The following DGKI variants were observed in gnomAD, a reference collection of about 807,000 sequenced individuals.
The protein encoded by DGKI is DAG kinase iota.
DGKI carries 55 observed loss-of-function variants against 147.5 expected under a neutral mutation model. The observed-to-expected ratio is 0.37, with a 90% CI of 0.30 to 0.47. DGKI has a LOEUF of 0.47. Ranked by LOEUF, DGKI falls within the 20% of genes least tolerant of loss-of-function variation. The pLI is 1.00. For missense variants in DGKI, 1,007 were observed against 1,323.8 expected, an observed-to-expected ratio of 0.76 and a Z score of 3.71; for synonymous variants, 469 against 477.1, an observed-to-expected ratio of 0.98 and a Z score of 0.22.
At chr7:137,624,333 A>ATCTAAAC (rs1409816144) in intron 6 of DGKI, among the ~76,000 whole-genome samples, 3 of 152,188 alleles carry the variant, frequency 2.0e-5, no homozygotes, top group Non-Finnish European at 4.4e-5. Flanking sequence ...CTAAACCCAA[A>ATCTAAAC]CAAAAAATTC....
At chr7:137,587,316 T>A in intron 12 of DGKI, 106 bp from the exon 13 acceptor site, 1 of 795,518 alleles carries the variant, frequency 1.3e-6, no homozygotes, top group Non-Finnish European at 1.8e-6. Context: ...AATGGTTTTA[T>A]TTTTCTTTAA....
chr7:137,722,604 A>G, intron 1 of DGKI: 4 of 1,582,866 alleles, frequency 2.5e-6, no homozygotes, highest in Non-Finnish European at 3.5e-6. Context: ...TCAGCAATGT[A>G]AAAATCCCAA....
chr7:137,423,348 C>G (rs1328072889), intron 28 of DGKI, among the ~76,000 whole-genome samples: 1 of 152,158 alleles, frequency 6.6e-6, no homozygotes, highest in Non-Finnish European at 1.5e-5. Context: ...ATCAGGGTCC[C>G]TGAACTCACT....
intron 20 of DGKI, among the ~76,000 whole-genome samples, chr7:137,525,026 C>T (rs1817094356): frequency 1.3e-5 from 2 of 152,258 alleles, no homozygotes. Flanking sequence ...CTGATTCCAA[C>T]CCATGCACTG....
chr7:137,428,971 T>C (rs1812942490), intron 28 of DGKI, among the ~76,000 whole-genome samples: 1 of 152,146 alleles, frequency 6.6e-6, no homozygotes, highest in Non-Finnish European at 1.5e-5. Context: ...AAAATGGCCA[T>C]ACTGCCCAAG....
intron 20 of DGKI, among the ~76,000 whole-genome samples, chr7:137,534,632 C>A (rs1295364815): frequency 1.3e-5 from 2 of 151,956 alleles, no homozygotes; most frequent in Non-Finnish European, 2.9e-5. Context: ...TAATGTTCTT[C>A]AGCTCTCTTT....
intron 29 of DGKI, among the ~76,000 whole-genome samples, chr7:137,408,464 C>T (rs1184781684): frequency 5.3e-5 from 8 of 152,050 alleles, no homozygotes; most frequent in Non-Finnish European, 8.8e-5. Flanking sequence ...ACCTATATAC[C>T]AAATATCAAA....
At chr7:137,647,592 A>C (rs1821874017) in intron 5 of DGKI, among the ~76,000 whole-genome samples, 1 of 152,164 alleles carries the variant, frequency 6.6e-6, no homozygotes, top group South Asian at 2.1e-4. Flanking sequence ...TGTGGCTTTC[A>C]AGAAAGTGAC....
chr7:137,548,383 C>T (rs10232182), intron 20 of DGKI, among the ~76,000 whole-genome samples: 8,819 of 152,190 alleles, frequency 0.058, 624 homozygotes, highest in African/African-American at 0.17. Flanking sequence ...GGGGCCTGGT[C>T]AGAGGTGTTT....
At chr7:137,544,758 C>T (rs1353606873) in intron 20 of DGKI, among the ~76,000 whole-genome samples, 1 of 151,976 alleles carries the variant, frequency 6.6e-6, no homozygotes, top group African/African-American at 2.4e-5. Context: ...GTGAACATGG[C>T]TGGGAACACA....
At chr7:137,458,578 C>A (rs540528707) in intron 27 of DGKI, among the ~76,000 whole-genome samples, 1 of 152,164 alleles carries the variant, frequency 6.6e-6, no homozygotes, top group African/African-American at 2.4e-5. Context: ...CCTTTACCTG[C>A]CTGCTCTTAA....
intron 23 of DGKI, among the ~76,000 whole-genome samples, chr7:137,473,694 A>C (rs577767277): frequency 6.6e-6 from 1 of 152,192 alleles, no homozygotes; most frequent in Non-Finnish European, 1.5e-5. Flanking sequence ...GAGCAGACTG[A>C]AACTAGGTCA....
In DGKI at chr7:137,608,957, A is replaced by C; in HGVS notation, c.1167+9T>G. Reference sequence around the variant, plus strand: ...ACTTCTAAGTTGAAAATCATGAAAAATTACTCACCTGGTTGCCTCCACTCT... The same window carrying C: ...ACTTCTAAGTTGAAAATCATGAAAACTTACTCACCTGGTTGCCTCCACTCT... On this transcript the variant is annotated intron_variant, in intron 10 of 32. Coordinates refer to ENST00000614521, the MANE Select transcript of DGKI (RefSeq NM_001321708.2). The C allele has an allele frequency of 6.3e-7, 1 of 1,597,588 alleles. No individual in the cohort carries two copies. Among genetic ancestry groups the C allele is most frequent in the Non-Finnish European group, 8.6e-7 (1 of 1,165,476 alleles).
chr7:137,725,578 T>TA (rs34823233), intron 1 of DGKI, among the ~76,000 whole-genome samples: 34 of 144,962 alleles, frequency 2.3e-4, no homozygotes, highest in African/African-American at 7.0e-4. Context: ...CAAATCACTT[T>TA]AAAAAAAGGT....
intron 21 of DGKI, among the ~76,000 whole-genome samples, chr7:137,509,720 G>C (rs117685504): frequency 0.014 from 2,073 of 152,260 alleles, 38 homozygotes; most frequent in South Asian, 0.072. Context: ...TGGTTTCTGA[G>C]TTAGAATGTG....
At chr7:137,452,890 T>C (rs1011812932) in intron 27 of DGKI, 4 of 152,210 alleles carry the variant, frequency 2.6e-5, no homozygotes, top group Admixed American at 2.6e-4. Context: ...CTTTTTCCTA[T>C]GGTGAACATG....
intron 1 of DGKI, among the ~76,000 whole-genome samples, chr7:137,766,477 T>C (rs1796016857): frequency 6.6e-6 from 1 of 152,200 alleles, no homozygotes; most frequent in Non-Finnish European, 1.5e-5. Flanking sequence ...AAGTTATTAC[T>C]AACCTATTAG....
At chr7:137,750,891 C>A (rs565955469) in intron 1 of DGKI, among the ~76,000 whole-genome samples, 31 of 152,250 alleles carry the variant, frequency 2.0e-4, no homozygotes, top group African/African-American at 7.5e-4. Flanking sequence ...TTAAAAATTA[C>A]ACTGGAATTT....
At chr7:137,479,843 T>A (rs1815309527) in intron 23 of DGKI, among the ~76,000 whole-genome samples, 1 of 152,116 alleles carries the variant, frequency 6.6e-6, no homozygotes, top group Non-Finnish European at 1.5e-5. Context: ...AAGCCATCTA[T>A]CCATTTTTTT....
Sources: gnomAD v4.1 joint callset for allele counts (sites outside exome capture counted in the v4.1 genomes callset) on GRCh38, gnomAD v4.1.1 for gene constraint, MANE v1.5 for transcripts, NCBI Gene and HGNC (gene_info 2026-07-23, HGNC 2026-07-21) for gene names.